The following AGAP1 variants were observed in gnomAD, a reference collection of about 807,000 sequenced individuals.
AGAP1 encodes ArfGAP with GTPase domain, ankyrin repeat and PH domain 1, also known as arf-GAP with GTPase, ANK repeat and PH domain-containing protein 1.
In AGAP1, 29 loss-of-function variants were observed where a neutral mutation model predicts 105.3. The observed-to-expected ratio is 0.28, with a 90% CI of 0.21 to 0.38. The LOEUF is 0.38. AGAP1 is among the 10% of genes least tolerant of loss of function. The pLI, the probability that AGAP1 is intolerant of heterozygous loss-of-function variation, is 1.00. For synonymous variants in AGAP1, 509 were observed against 485.9 expected (o/e 1.05, Z -0.63); for missense variants, 998 against 1,165.1 (o/e 0.86, Z 2.09).
At chr2:235,518,006 G>A (rs1453828155) in intron 1 of AGAP1, among the ~76,000 whole-genome samples, 2 of 151,920 alleles carry the variant, frequency 1.3e-5, no homozygotes, top group African/African-American at 4.8e-5. Flanking sequence ...GCTTGCCTCA[G>A]TTGGGGTTCT....
In AGAP1 at chr2:235,908,794, A is replaced by C; in HGVS notation, c.1212A>C (p.Lys404Asn). ...TTGACCTTCTGAGAACCACTGTGAA[A>C]GTCCCAGGGAAGAGGCCACCCCGAG... ...KEIDLLRTTV[K>N]VPGKRPPRAT... Residue 404 changes from lysine to asparagine, a missense_variant, in exon 11 of 18, where the codon AAA (lysine) becomes AAC (asparagine). Physicochemically the swap from Lys to Asn is moderately conservative, Grantham distance 94. Transcript: ENST00000304032. This position sits in a 1 kb window ranked among gnomAD's most constrained non-coding sequence, Gnocchi z 4.4. 6.2e-7 allele frequency: 1 copy of C among 1,614,002 alleles called. No homozygotes were observed. Among genetic ancestry groups the C allele is most frequent in the Non-Finnish European group, 8.5e-7 (1 of 1,179,984 alleles).
intron 13 of AGAP1, among the ~76,000 whole-genome samples, chr2:235,996,012 G>T (rs1383192424): frequency 6.6e-6 from 1 of 152,122 alleles, no homozygotes; most frequent in Non-Finnish European, 1.5e-5. Flanking sequence ...TCCTGATTTG[G>T]ATGTGTAAGC....
chr2:235,536,023 C>A (rs1393243679), intron 1 of AGAP1, among the ~76,000 whole-genome samples: 1 of 151,968 alleles, frequency 6.6e-6, no homozygotes, highest in African/African-American at 2.4e-5. Context: ...TCTTTCAGTT[C>A]CCCTGGTGGT....
At position 236,014,404 on chromosome 2, in the gene AGAP1, T is replaced by A. The variant is rs1022155684; in HGVS notation, c.1646-22157T>A. Among the ~76,000 whole-genome samples the A allele has an allele frequency of 7.9e-5, 12 of 152,228 alleles. No individual in the cohort carries two copies. Among genetic ancestry groups the A allele is most frequent in the African/African-American group, 2.4e-4 (10 of 41,450 alleles). ...CTCTTGATTTGACATGCTCCTAATATTTGGCCGAATCAAAGGGCTTGTGGC... is the reference window on the plus strand; with the variant it reads ...CTCTTGATTTGACATGCTCCTAATAATTGGCCGAATCAAAGGGCTTGTGGC... On this transcript the variant is annotated intron_variant, in intron 13 of 17. Transcript: ENST00000304032. This position sits in a 1 kb window ranked among gnomAD's most constrained non-coding sequence, Gnocchi z 6.3.
At chr2:235,564,066 G>A (rs538464320) in intron 1 of AGAP1, among the ~76,000 whole-genome samples, 19 of 152,248 alleles carry the variant, frequency 1.2e-4, no homozygotes, top group South Asian at 2.1e-4. Flanking sequence ...AAATGTCACC[G>A]GACCAGTCAA....
chr2:235,921,267 G>C (rs2052169184), intron 11 of AGAP1, among the ~76,000 whole-genome samples: 1 of 152,082 alleles, frequency 6.6e-6, no homozygotes. Flanking sequence ...AAATTATGAA[G>C]ATTACATAAC....
rs562472016 is a variant in AGAP1 at position 236,129,878 on chromosome 2, G to A, written c.*5756G>A. On this transcript the variant is annotated 3_prime_UTR_variant, in exon 18 of 18. Coordinates refer to ENST00000304032, the MANE Select transcript of AGAP1 (RefSeq NM_001037131.3). The surrounding 1 kb of genome is among the most constrained non-coding windows in gnomAD (Gnocchi z 6.2). ...TAGTAAACACCCACCCCAGAGCAGC[G>A]GTAAGCAAACCTAAATCTGAAAACC... is the stretch of plus-strand genomic sequence containing the variant. The A allele has an allele frequency of 2.2e-4, 33 of 152,308 alleles. No individual in the cohort carries two copies. Among genetic ancestry groups the A allele is most frequent in the Admixed American group, 5.2e-4 (8 of 15,300 alleles). The allele number at this position is 152,308 out of a possible 1,614,324, so 9.4% of individuals were successfully genotyped here. A position where few individuals can be genotyped will look rare whatever the true frequency, so the allele number is the denominator to read the frequency against.
At position 235,706,055 on chromosome 2, in the gene AGAP1, T is replaced by A. The variant is rs150516255; in HGVS notation, c.164-3124T>A. 3.0e-3 allele frequency among the ~76,000 whole-genome samples: 460 copies of A among 152,314 alleles called. 4 individuals are homozygous for A. Among genetic ancestry groups the A allele is most frequent in the African/African-American group, 0.01 (421 of 41,564 alleles). On this transcript the variant is annotated intron_variant, in intron 1 of 17. Coordinates refer to ENST00000304032, the MANE Select transcript of AGAP1 (RefSeq NM_001037131.3). ...TCTTATGTGCCAAATGGAATAAACC[T>A]TAAAAGGTGCCAGAAGGTAACAATG...
rs1029893646 is a variant in AGAP1 at position 235,751,131 on chromosome 2, A to G, written c.673+643A>G. On this transcript the variant is annotated intron_variant, in intron 6 of 17. Coordinates refer to ENST00000304032, the MANE Select transcript of AGAP1 (RefSeq NM_001037131.3). The surrounding 1 kb of genome is among the most constrained non-coding windows in gnomAD (Gnocchi z 5.3). Reference sequence around the variant, plus strand: ...GAGGGTCACATACTTGTGGATGATCATAGCGCCAGACGTCGTCTATGAGAG... The same window carrying G: ...GAGGGTCACATACTTGTGGATGATCGTAGCGCCAGACGTCGTCTATGAGAG... Among the ~76,000 whole-genome samples the G allele has an allele frequency of 2.0e-5, 3 of 152,092 alleles. No individual in the cohort carries two copies. Among genetic ancestry groups the G allele is most frequent in the Admixed American group, 1.3e-4 (2 of 15,278 alleles).
Position 235,793,944 on chromosome 2 carries a change from T to TA in AGAP1, c.674-3812dup, listed in dbSNP as rs1207380243. 2.0e-5 allele frequency among the ~76,000 whole-genome samples: 3 copies of TA among 152,212 alleles called. No individual in the cohort carries two copies. The highest frequency in any genetic ancestry group is 7.2e-5 in the African/African-American group (3 of 41,460). The stretch of plus-strand genomic sequence containing the variant: ...TACCTCACTTTTTTTGTTAAGTTCT[T>TA]AAACTTTTTTTTTATTATTGAAGAA... On this transcript the variant is annotated intron_variant, in intron 6 of 17. Transcript: ENST00000304032. This position sits in a 1 kb window ranked among gnomAD's most constrained non-coding sequence, Gnocchi z 5.3.
In AGAP1 at chr2:235,953,934, A is replaced by T. The variant is rs183259816; in HGVS notation, c.1484-14528A>T. On this transcript the variant is annotated intron_variant, in intron 12 of 17. Coordinates refer to ENST00000304032, the MANE Select transcript of AGAP1 (RefSeq NM_001037131.3). This position sits in a 1 kb window ranked among gnomAD's most constrained non-coding sequence, Gnocchi z 5.2. ...AGACATTGTCTGAAAAAGAAAATGT[A>T]CTTTTAAAAATCAGGCCAGGCACAG... Among the ~76,000 whole-genome samples the T allele has an allele frequency of 1.9e-4, 29 of 152,224 alleles. No individual in the cohort carries two copies. The highest frequency in any genetic ancestry group is 3.4e-4 in the Non-Finnish European group (23 of 68,024).
intron 12 of AGAP1, among the ~76,000 whole-genome samples, chr2:235,937,112 A>G (rs572806631): frequency 6.4e-4 from 97 of 152,298 alleles, no homozygotes; most frequent in African/African-American, 2.3e-3. Context: ...CTTGGCTGGC[A>G]TTCAAAAGCG....
chr2:235,979,281 A>G lies in AGAP1; in HGVS notation c.1645+10658A>G, dbSNP rs2054990803. ...ATCACCACAGCCAGCTAGAGTGCAC[A>G]TTTTTAAGGGCAGTTTGAGGTTGGA... On this transcript the variant is annotated intron_variant, in intron 13 of 17. Transcript: ENST00000304032. The surrounding 1 kb of genome is among the most constrained non-coding windows in gnomAD (Gnocchi z 4.5). Among the ~76,000 whole-genome samples, 2 of 151,724 alleles carry G rather than the reference A, an allele frequency of 1.3e-5. No homozygotes were observed. Among genetic ancestry groups the G allele is most frequent in the Admixed American group, 1.3e-4 (2 of 15,232 alleles).
intron 1 of AGAP1, among the ~76,000 whole-genome samples, chr2:235,632,618 T>C (rs1330348614): frequency 1.3e-5 from 2 of 152,174 alleles, no homozygotes; most frequent in Admixed American, 6.5e-5. Context: ...TTGGCAGCAA[T>C]TGGGAAACTT....
chr2:235,536,664 CACACACACACA>C lies in AGAP1; in HGVS notation c.163+41816_163+41826del, dbSNP rs1222755131. Among the ~76,000 whole-genome samples, 299 of 151,774 alleles carry C rather than the reference CACACACACACA, an allele frequency of 2.0e-3. 1 individual carries two copies. In the Middle Eastern group the frequency reaches 0.031, roughly 16 times the overall value. ...ACACACACACACACACACACACACACACACACACACACACCCCTTGCTTATGTCCTCCACCC... is the reference window on the plus strand; with the variant it reads ...ACACACACACACACACACACACACACCACCCCTTGCTTATGTCCTCCACCC... On this transcript the variant is annotated intron_variant, in intron 1 of 17. Transcript: ENST00000304032.
chr2:235,565,263 C>T (rs527434844), intron 1 of AGAP1, among the ~76,000 whole-genome samples: 1 of 152,192 alleles, frequency 6.6e-6, no homozygotes, highest in African/African-American at 2.4e-5. Flanking sequence ...GGAGCATCTT[C>T]GCAGGGCCAG....
Position 235,796,400 on chromosome 2 carries a change from C to T in AGAP1, c.674-1359C>T, listed in dbSNP as rs541505606. ...ATGGTTCTGAGATGACAGAGTGCTGCGATATTCCTCTGTAATTTAAACATG... is the reference window on the plus strand; with the variant it reads ...ATGGTTCTGAGATGACAGAGTGCTGTGATATTCCTCTGTAATTTAAACATG... On this transcript the variant is annotated intron_variant, in intron 6 of 17. Transcript: ENST00000304032. Among the ~76,000 whole-genome samples the T allele has an allele frequency of 4.6e-5, 7 of 152,168 alleles. No individual in the cohort carries two copies. The East Asian group carries it at 9.6e-4, about 21-fold the overall frequency.
At chr2:235,820,821 A>G (rs1221793742) in intron 9 of AGAP1, among the ~76,000 whole-genome samples, 1 of 152,250 alleles carries the variant, frequency 6.6e-6, no homozygotes, top group Non-Finnish European at 1.5e-5. Flanking sequence ...GCTCATATCT[A>G]AAGTATTGGA....
intron 9 of AGAP1, among the ~76,000 whole-genome samples, chr2:235,881,299 T>C (rs1297940517): frequency 3.9e-5 from 6 of 152,150 alleles, no homozygotes; most frequent in African/African-American, 1.2e-4. Context: ...GATAGCAGAA[T>C]TTAGGAGGTC....
Sources: gnomAD v4.1 joint callset for allele counts (sites outside exome capture counted in the v4.1 genomes callset) on GRCh38, gnomAD v4.1.1 for gene constraint, Gnocchi (gnomAD v3.1) non-coding constraint, MANE v1.5 for transcripts, NCBI Gene and HGNC (gene_info 2026-07-23, HGNC 2026-07-21) for gene names.